Variants in PDE7B observed in about 807,000 individuals in gnomAD.
The protein encoded by PDE7B is 3',5'-cyclic-AMP phosphodiesterase 7B.
A neutral mutation model predicts 56.2 loss-of-function variants in PDE7B; 29 were observed. That is an observed-to-expected ratio of 0.52 (90% CI 0.38 to 0.70). The LOEUF (loss-of-function observed/expected upper bound fraction) is 0.70, where lower values mean the gene tolerates loss of function less well. PDE7B is among the 30% of genes least tolerant of loss of function. The probability of loss-of-function intolerance (pLI) is 0.00; values close to 1 mark genes in which losing one functional copy is unlikely to be tolerated. For synonymous variants in PDE7B, 197 were observed against 196.9 expected, an observed-to-expected ratio of 1.00 and a Z score of 0.00; for missense variants, 490 against 565.0, an observed-to-expected ratio of 0.87 and a Z score of 1.35.
At chr6:135,942,322 T>A (rs987837763) in intron 1 of PDE7B, among the ~76,000 whole-genome samples, 5 of 147,932 alleles carry the variant, frequency 3.4e-5, no homozygotes, top group African/African-American at 1.3e-4. Flanking sequence ...AATTTAAAAA[T>A]TGTCTTAATG....
At chr6:136,042,223 T>C (rs550247131) in intron 2 of PDE7B, among the ~76,000 whole-genome samples, 3 of 152,212 alleles carry the variant, frequency 2.0e-5, no homozygotes, top group Non-Finnish European at 4.4e-5. Flanking sequence ...AGTGACAGCA[T>C]GCACCCATGT....
chr6:136,030,060 T>C (rs921434196), intron 2 of PDE7B, among the ~76,000 whole-genome samples: 4 of 152,194 alleles, frequency 2.6e-5, no homozygotes, highest in Non-Finnish European at 5.9e-5. Context: ...CTTCCAACTT[T>C]CTCATTATTT....
chr6:136,134,959 T>C (rs1328988512), intron 3 of PDE7B, among the ~76,000 whole-genome samples: 2 of 150,952 alleles, frequency 1.3e-5, no homozygotes, highest in Non-Finnish European at 1.5e-5. Context: ...AAATGGCAAT[T>C]GAAAAAAAAA....
intron 2 of PDE7B, among the ~76,000 whole-genome samples, chr6:136,050,227 T>G (rs769338772): frequency 9.9e-5 from 15 of 152,204 alleles, no homozygotes; most frequent in Non-Finnish European, 1.3e-4. Flanking sequence ...GTGTGTAGTG[T>G]CCATCTTTCC....
chr6:136,176,335 A>G (rs1778976644), intron 9 of PDE7B, among the ~76,000 whole-genome samples: 1 of 152,146 alleles, frequency 6.6e-6, no homozygotes. Flanking sequence ...AGAAGTATAA[A>G]TAAAATATCA....
intron 2 of PDE7B, among the ~76,000 whole-genome samples, chr6:136,061,022 A>G (rs990077590): frequency 2.6e-5 from 4 of 152,180 alleles, no homozygotes; most frequent in Non-Finnish European, 4.4e-5. Flanking sequence ...TACTGAATGC[A>G]TGAAGGTAAA....
At chr6:136,082,644 T>C (rs377008003) in intron 2 of PDE7B, among the ~76,000 whole-genome samples, 1 of 152,310 alleles carries the variant, frequency 6.6e-6, no homozygotes, top group East Asian at 1.9e-4. Context: ...GGGTCTCTTC[T>C]AGGTAGAGCA....
chr6:136,013,224 A>G (rs1214248876), intron 2 of PDE7B, among the ~76,000 whole-genome samples: 1 of 152,220 alleles, frequency 6.6e-6, no homozygotes. Flanking sequence ...TGAATAACAA[A>G]TTTTACTAAA....
rs1775280110 is a variant in PDE7B, at chr6:135,980,765, A to C, written c.82+33241A>C. Among the ~76,000 whole-genome samples the C allele has an allele frequency of 2.1e-5, 3 of 143,240 alleles. No individual in the cohort carries two copies. In the South Asian group the frequency reaches 7.2e-4, roughly 34 times the overall value. 94.0% of individuals were successfully genotyped at this position (143,240 alleles called of 152,430 possible). A position where few individuals can be genotyped will look rare whatever the true frequency, so the allele number is the denominator to read the frequency against. On this transcript the variant is annotated intron_variant, in intron 2 of 12. Coordinates refer to ENST00000308191, the MANE Select transcript of PDE7B (RefSeq NM_018945.4). ...TCTCACACCAGTTAGAATGGCAATC[A>C]TTAAAAAGTCAGGAAACAACAGGTG...
chr6:135,941,443 A>C (rs1311093579), intron 1 of PDE7B, among the ~76,000 whole-genome samples: 1 of 152,170 alleles, frequency 6.6e-6, no homozygotes, highest in Non-Finnish European at 1.5e-5. Context: ...TAAATTTCTA[A>C]ACCCTGGATC....
chr6:135,952,613 A>G (rs960134647), intron 2 of PDE7B, among the ~76,000 whole-genome samples: 2 of 152,284 alleles, frequency 1.3e-5, no homozygotes, highest in African/African-American at 4.8e-5. Context: ...ACTTCAAAAC[A>G]TGGATAGAGT....
At chr6:136,068,004 A>AT (rs1431811254) in intron 2 of PDE7B, among the ~76,000 whole-genome samples, 4 of 152,254 alleles carry the variant, frequency 2.6e-5, no homozygotes, top group African/African-American at 9.6e-5. Context: ...CCTGAAAGGA[A>AT]TGTTTGTGAT....
intron 2 of PDE7B, among the ~76,000 whole-genome samples, chr6:136,103,215 C>G (rs562452196): frequency 1.2e-4 from 19 of 152,248 alleles, no homozygotes; most frequent in African/African-American, 3.6e-4. Flanking sequence ...CAGTGTCACT[C>G]AAGAAAGTGG....
At chr6:135,954,607 A>G (rs9321545) in intron 2 of PDE7B, among the ~76,000 whole-genome samples, 12,944 of 152,162 alleles carry the variant, frequency 0.085, 1,056 homozygotes, top group African/African-American at 0.21. Context: ...AAGTTGATAT[A>G]ATAATGAGCA....
intron 8 of PDE7B, chr6:136,156,150 G>C (rs1778598683): frequency 2.9e-6 from 1 of 341,786 alleles, no homozygotes; most frequent in Non-Finnish European, 5.6e-6. Context: ...AAAGAGAAGA[G>C]AGAATGATCC....
chr6:136,059,535 C>A (rs1242203756), intron 2 of PDE7B, among the ~76,000 whole-genome samples: 1 of 152,188 alleles, frequency 6.6e-6, no homozygotes, highest in African/African-American at 2.4e-5. Context: ...ACAGAGCCCG[C>A]ATTTGATTTA....
chr6:135,888,518 CTTG>C (rs1237900022), intron 1 of PDE7B, among the ~76,000 whole-genome samples: 2 of 151,872 alleles, frequency 1.3e-5, no homozygotes, highest in African/African-American at 4.8e-5. Context: ...AGAATAGGTT[CTTG>C]TTATTTTATT....
intron 11 of PDE7B, among the ~76,000 whole-genome samples, chr6:136,183,323 G>GTGGC (rs529262781): frequency 3.2e-4 from 49 of 152,174 alleles, no homozygotes; most frequent in South Asian, 2.1e-3. Flanking sequence ...GCTGGGCATG[G>GTGGC]TGGCTCACGC....
chr6:135,925,337 A>G (rs1247103332), intron 1 of PDE7B, among the ~76,000 whole-genome samples: 4 of 152,118 alleles, frequency 2.6e-5, no homozygotes, highest in Non-Finnish European at 4.4e-5. Flanking sequence ...CATTATCCAA[A>G]AAGGGCATAC....
Sources: allele counts gnomAD v4.1 joint callset (sites outside exome capture counted in the v4.1 genomes callset), GRCh38; gene constraint gnomAD v4.1.1; transcripts MANE v1.5; gene names NCBI Gene and HGNC (gene_info 2026-07-23, HGNC 2026-07-21).